Variants in RALGAPA1 observed in about 807,000 individuals in gnomAD.
The protein encoded by RALGAPA1 is ral GTPase-activating protein subunit alpha-1.
In RALGAPA1, 52 loss-of-function variants were observed where a neutral mutation model predicts 269.6. The ratio of observed to expected loss-of-function variants is 0.19; its 90% CI spans 0.15 to 0.24. RALGAPA1 has a LOEUF of 0.24. RALGAPA1 is among the 10% of genes least tolerant of loss of function. RALGAPA1 has a pLI of 1.00. For missense variants in RALGAPA1, 1,917 were observed against 3,013.9 expected (o/e 0.64, Z 8.52); for synonymous variants, 817 against 1,008.3 (o/e 0.81, Z 3.60).
chr14:35,612,373 A>AG (rs1274831272), intron 35 of RALGAPA1, among the ~76,000 whole-genome samples: 1 of 149,686 alleles, frequency 6.7e-6, no homozygotes, highest in East Asian at 1.9e-4. Context: ...TCTGTTTCAA[A>AG]AAAAAAAAAA....
intron 41 of RALGAPA1, among the ~76,000 whole-genome samples, chr14:35,539,947 G>A (rs2053817339): frequency 1.3e-5 from 2 of 152,070 alleles, no homozygotes; most frequent in African/African-American, 2.4e-5. Context: ...AAAAGCAGTG[G>A]GAAGCAAAAT....
intron 34 of RALGAPA1, among the ~76,000 whole-genome samples, chr14:35,626,839 G>A (rs1385541561): frequency 6.6e-6 from 1 of 151,864 alleles, no homozygotes; most frequent in African/African-American, 2.4e-5. Context: ...GTTGAAAAAT[G>A]AGCTATAATT....
At chr14:35,769,850 T>C (rs1362274810) in intron 4 of RALGAPA1, among the ~76,000 whole-genome samples, 1 of 152,154 alleles carries the variant, frequency 6.6e-6, no homozygotes, top group Admixed American at 6.5e-5. Flanking sequence ...GTACAAATGG[T>C]CTCACTTTTG....
intron 24 of RALGAPA1, 113 bp downstream of exon 24, chr14:35,674,067 C>T: frequency 5.6e-6 from 4 of 717,048 alleles, no homozygotes; most frequent in Non-Finnish European, 9.3e-6. Flanking sequence ...CCTAAGGATA[C>T]TGGTTAAAAA....
chr14:35,556,991 G>T (rs1311684272), intron 39 of RALGAPA1, among the ~76,000 whole-genome samples: 1 of 151,718 alleles, frequency 6.6e-6, no homozygotes, highest in African/African-American at 2.4e-5. Flanking sequence ...AAATAAATAG[G>T]CTTAAAAATT....
At position 35,556,642 on chromosome 14, in the gene RALGAPA1, G is replaced by A. The variant is rs1368208721; in HGVS notation, c.7497-7408C>T. On this transcript the variant is annotated intron_variant, in intron 39 of 41. Coordinates refer to ENST00000680220, the MANE Select transcript of RALGAPA1 (RefSeq NM_001346249.2). ...ATACTATCTACACCATGAAGGAAAA[G>A]CTGTGATTTGTCAGAGCAGACAAAG... 3.3e-5 allele frequency among the ~76,000 whole-genome samples: 5 copies of A among 152,156 alleles called. No individual in the cohort carries two copies. In the East Asian group the frequency reaches 9.6e-4, roughly 29 times the overall value.
At chr14:35,674,883 A>G (rs2064812646) in intron 22 of RALGAPA1, among the ~76,000 whole-genome samples, 174 bp from the exon 23 acceptor site, 2 of 152,172 alleles carry the variant, frequency 1.3e-5, no homozygotes, top group Non-Finnish European at 2.9e-5. Context: ...TTATGAGATA[A>G]TAATAAGGAA....
intron 39 of RALGAPA1, among the ~76,000 whole-genome samples, chr14:35,553,222 G>A (rs1330994538): frequency 6.6e-6 from 1 of 152,104 alleles, no homozygotes; most frequent in Non-Finnish European, 1.5e-5. Context: ...GTCTCTAGGA[G>A]GGCAATTTTT....
intron 9 of RALGAPA1, 46 bp from the exon 10 acceptor site, chr14:35,748,870 C>A (rs1468186787): frequency 1.4e-5 from 22 of 1,524,886 alleles, no homozygotes; most frequent in Non-Finnish European, 1.8e-5. Context: ...ATATCATAAT[C>A]ATTTAACTAT....
chr14:35,663,516 G>C (rs1033004470), intron 27 of RALGAPA1, among the ~76,000 whole-genome samples: 3 of 151,062 alleles, frequency 2.0e-5, no homozygotes, highest in Non-Finnish European at 4.4e-5. Context: ...GACCAATTCA[G>C]GTCACATACA....
chr14:35,554,338 CTTTTTTTTTTTTT>C (rs869302363), intron 39 of RALGAPA1, among the ~76,000 whole-genome samples: 5 of 85,764 alleles, frequency 5.8e-5, no homozygotes, highest in East Asian at 4.0e-4. Context: ...AATACACTTT[CTTTTTTTTTTTTT>C]TTTTTTTTTT....
At chr14:35,571,276 T>G (rs561500588) in intron 38 of RALGAPA1, among the ~76,000 whole-genome samples, 1 of 152,316 alleles carries the variant, frequency 6.6e-6, no homozygotes, top group African/African-American at 2.4e-5. Context: ...TTGAATAAGG[T>G]TGGCATAAAT....
intron 1 of RALGAPA1, among the ~76,000 whole-genome samples, chr14:35,776,347 C>A (rs2075022319): frequency 3.3e-5 from 5 of 150,872 alleles, no homozygotes; most frequent in Admixed American, 3.3e-4. Flanking sequence ...CGCCACTGCA[C>A]TCTAGCCTGG....
At chr14:35,791,061 G>A (rs1392361456) in intron 1 of RALGAPA1, among the ~76,000 whole-genome samples, 1 of 152,124 alleles carries the variant, frequency 6.6e-6, no homozygotes, top group African/African-American at 2.4e-5. Flanking sequence ...AATAAGAGCA[G>A]CGACAAAGTT....
At chr14:35,660,765 A>C (rs4982303) in intron 27 of RALGAPA1, among the ~76,000 whole-genome samples, 39,438 of 152,030 alleles carry the variant, frequency 0.26, 7,382 homozygotes, top group African/African-American at 0.53. Flanking sequence ...AATACACATA[A>C]AATAGAATAC....
chr14:35,688,598 G>A lies in RALGAPA1; in HGVS notation c.3813C>T (p.Gly1271=), dbSNP rs1324613530. 4.6e-6 allele frequency: 7 copies of A among 1,535,614 alleles called. No individual in the cohort carries two copies. The highest frequency in any genetic ancestry group is 2.4e-5 in the South Asian group (2 of 84,030). The part of the protein sequence containing the change: ...EAGLQQGSLG[G]VYKTVVHALS... ...GAGCATGTACAACAGTTTTATAAAC[G>A]CCACCCAGGGAGCCCTGCTGTAGTC... The change falls in exon 18 of 42, where the codon GGC becomes GGT. Residue 1271 remains glycine (G), a synonymous_variant. Transcript: ENST00000680220.
Position 35,704,093 on chromosome 14 carries a change from T to C in RALGAPA1, c.2267-3791A>G, listed in dbSNP as rs1350883044. ...TATTTATTAAAATTCACATTATGTA[T>C]ACATTCCTATCCATTGGCAGAAATA... is the stretch of plus-strand genomic sequence containing the variant. On this transcript the variant is annotated intron_variant, in intron 16 of 41. Coordinates refer to ENST00000680220, the MANE Select transcript of RALGAPA1 (RefSeq NM_001346249.2). 2.6e-5 allele frequency among the ~76,000 whole-genome samples: 4 copies of C among 152,308 alleles called. No homozygotes were observed. In the East Asian group the frequency reaches 5.8e-4, roughly 22 times the overall value.
intron 10 of RALGAPA1, among the ~76,000 whole-genome samples, chr14:35,744,423 C>T (rs565223846): frequency 6.6e-6 from 1 of 150,532 alleles, no homozygotes; most frequent in South Asian, 2.1e-4. Context: ...TTTTATGATA[C>T]TACCTGTTAA....
chr14:35,707,958 T>C lies in RALGAPA1; in HGVS notation c.2267-7656A>G, dbSNP rs1189852107. On this transcript the variant is annotated intron_variant, in intron 16 of 41. Transcript: ENST00000680220. ...AGAACAGAGAACCCAGAAATAAATCTACACATCTACAGTGAACTCATTTTC... is the reference window on the plus strand; with the variant it reads ...AGAACAGAGAACCCAGAAATAAATCCACACATCTACAGTGAACTCATTTTC... Among the ~76,000 whole-genome samples the C allele has an allele frequency of 2.0e-5, 3 of 152,118 alleles. No homozygotes were observed. The South Asian group carries it at 6.2e-4, about 31-fold the overall frequency.
Sources: gnomAD v4.1 joint callset for allele counts (sites outside exome capture counted in the v4.1 genomes callset) on GRCh38, gnomAD v4.1.1 for gene constraint, MANE v1.5 for transcripts, NCBI Gene and HGNC (gene_info 2026-07-23, HGNC 2026-07-21) for gene names.